FER: variants seen among roughly 807,000 people sequenced by gnomAD.
The protein encoded by FER is tyrosine-protein kinase Fer.
A neutral mutation model predicts 111.0 loss-of-function variants in FER; 63 were observed. That is an observed-to-expected ratio of 0.57 (90% CI 0.46 to 0.70). The LOEUF is 0.70. Ranked by LOEUF, FER falls within the 30% of genes least tolerant of loss-of-function variation. FER has a pLI of 0.00. For synonymous variants in FER, 327 were observed against 313.9 expected, an observed-to-expected ratio of 1.04 and a Z score of -0.44; for missense variants, 914 against 954.0, an observed-to-expected ratio of 0.96 and a Z score of 0.55.
chr5:109,010,173 T>G (rs1017312715), intron 13 of FER, among the ~76,000 whole-genome samples: 3 of 149,144 alleles, frequency 2.0e-5, no homozygotes, highest in African/African-American at 7.4e-5. Context: ...TTTTTTATCC[T>G]TCTTTTTTTT....
At chr5:109,134,669 G>C (rs1225679160) in intron 17 of FER, among the ~76,000 whole-genome samples, 2 of 152,096 alleles carry the variant, frequency 1.3e-5, no homozygotes, top group Non-Finnish European at 2.9e-5. Flanking sequence ...AACTCTGCTC[G>C]ACACTAAAAC....
chr5:109,108,888 G>A (rs1749269749), intron 17 of FER, among the ~76,000 whole-genome samples: 1 of 152,090 alleles, frequency 6.6e-6, no homozygotes, highest in Non-Finnish European at 1.5e-5. Context: ...GCTGGACATT[G>A]ACTCTCAATT....
At chr5:108,978,347 T>G (rs910554442) in intron 13 of FER, among the ~76,000 whole-genome samples, 8 of 152,238 alleles carry the variant, frequency 5.3e-5, no homozygotes, top group Non-Finnish European at 1.2e-4. Context: ...ATCCTTTGCA[T>G]GTCTGAAGCT....
chr5:108,964,147 G>A (rs1361935448), intron 13 of FER, among the ~76,000 whole-genome samples: 1 of 152,070 alleles, frequency 6.6e-6, no homozygotes. Context: ...TATTTACTTA[G>A]TACTCACTCT....
chr5:108,903,347 C>G (rs1286640510), intron 10 of FER, among the ~76,000 whole-genome samples: 1 of 152,132 alleles, frequency 6.6e-6, no homozygotes, highest in Non-Finnish European at 1.5e-5. Context: ...CATTTTCAAC[C>G]AACAACACAT....
intron 16 of FER, among the ~76,000 whole-genome samples, chr5:109,063,422 G>A (rs1774685359): frequency 6.6e-6 from 1 of 152,134 alleles, no homozygotes; most frequent in African/African-American, 2.4e-5. Context: ...CTAGATACTT[G>A]CCTGGCATTT....
intron 3 of FER, chr5:108,818,230 C>T (rs1758475622): frequency 6.6e-6 from 1 of 152,038 alleles, no homozygotes; most frequent in Non-Finnish European, 1.5e-5. Flanking sequence ...GAGTTCTAGA[C>T]CAGCCTGGAC....
chr5:109,106,817 A>C (rs533927010), intron 17 of FER, among the ~76,000 whole-genome samples: 1 of 152,334 alleles, frequency 6.6e-6, no homozygotes, highest in Non-Finnish European at 1.5e-5. Context: ...AGGAATGAAA[A>C]AAGAGACCTT....
At chr5:108,861,491 A>G (rs1763515984) in intron 5 of FER, among the ~76,000 whole-genome samples, 1 of 152,160 alleles carries the variant, frequency 6.6e-6, no homozygotes, top group Non-Finnish European at 1.5e-5. Context: ...TATGTGGAGG[A>G]GGAAAAATTG....
At position 109,010,995 on chromosome 5, in the gene FER, A is replaced by T. The variant is rs564840189; in HGVS notation, c.1657-26427A>T. On this transcript the variant is annotated intron_variant, in intron 13 of 19. Coordinates refer to ENST00000281092, the MANE Select transcript of FER (RefSeq NM_005246.4). ...ATGTAAAAGGAATTAAAAATTACCC[A>T]TGAGCCTCACTCAGATGTACACAGT... 2.6e-5 allele frequency among the ~76,000 whole-genome samples: 4 copies of T among 152,344 alleles called. No individual in the cohort carries two copies. The East Asian group carries it at 7.7e-4, about 29-fold the overall frequency.
chr5:109,127,429 G>C (rs1003185573), intron 17 of FER, among the ~76,000 whole-genome samples: 33 of 151,976 alleles, frequency 2.2e-4, no homozygotes, highest in Non-Finnish European at 2.9e-5. Context: ...TTTTGAGACA[G>C]AGTCTCGCTC....
intron 5 of FER, among the ~76,000 whole-genome samples, chr5:108,846,980 G>GT (rs1274833203): frequency 6.6e-6 from 1 of 151,466 alleles, no homozygotes; most frequent in Non-Finnish European, 1.5e-5. Flanking sequence ...TTTTTCTTCT[G>GT]TTTTTGTGAT....
intron 17 of FER, among the ~76,000 whole-genome samples, chr5:109,172,624 T>TA (rs760397573): frequency 3.3e-5 from 5 of 151,878 alleles, no homozygotes. Flanking sequence ...CCCTAAAACT[T>TA]AAAGTATAAT....
At chr5:108,910,643 G>A (rs749249174) in intron 10 of FER, among the ~76,000 whole-genome samples, 2 of 151,668 alleles carry the variant, frequency 1.3e-5, no homozygotes, top group Non-Finnish European at 2.9e-5. Context: ...CTCCCACTTC[G>A]CCCTTTAGGA....
At chr5:108,860,537 C>T (rs901969244) in intron 5 of FER, among the ~76,000 whole-genome samples, 1 of 152,160 alleles carries the variant, frequency 6.6e-6, no homozygotes, top group South Asian at 2.1e-4. Context: ...CAGAACCACA[C>T]TGAGTAAAAA....
At chr5:109,139,914 A>G (rs980217248) in intron 17 of FER, among the ~76,000 whole-genome samples, 1 of 152,232 alleles carries the variant, frequency 6.6e-6, no homozygotes, top group African/African-American at 2.4e-5. Context: ...AGAATTAAAC[A>G]CAGTATACTG....
At chr5:108,940,785 C>A (rs550699097) in intron 10 of FER, among the ~76,000 whole-genome samples, 1 of 151,988 alleles carries the variant, frequency 6.6e-6, no homozygotes, top group African/African-American at 2.4e-5. Context: ...CTCAATACAT[C>A]AGAATGGTGG....
At chr5:108,775,648 T>A (rs897944545) in intron 2 of FER, among the ~76,000 whole-genome samples, 23 of 152,296 alleles carry the variant, frequency 1.5e-4, no homozygotes, top group African/African-American at 4.6e-4. Flanking sequence ...GTTGCTCCAA[T>A]AGGCTGGCCA....
intron 13 of FER, among the ~76,000 whole-genome samples, chr5:109,032,058 T>C (rs574699811): frequency 9.2e-5 from 14 of 152,290 alleles, no homozygotes; most frequent in Non-Finnish European, 1.8e-4. Flanking sequence ...GACAGTTCTA[T>C]CTTAAAATTC....
Sources: allele counts gnomAD v4.1 joint callset (sites outside exome capture counted in the v4.1 genomes callset), GRCh38; gene constraint gnomAD v4.1.1; transcripts MANE v1.5; gene names NCBI Gene and HGNC (gene_info 2026-07-23, HGNC 2026-07-21).